Variants in MYOM1 observed in about 807,000 individuals in gnomAD.
MYOM1 encodes myomesin-1.
MYOM1 carries 164 observed loss-of-function variants against 205.3 expected under a neutral mutation model. That is an observed-to-expected ratio of 0.80 (90% CI 0.70 to 0.91). The LOEUF is 0.91. Among genes scored for constraint, MYOM1 ranks in the 40% least tolerant of loss-of-function variants. The pLI is 0.00. For missense variants in MYOM1, 2,011 were observed against 2,127.3 expected, an observed-to-expected ratio of 0.95 and a Z score of 1.08; for synonymous variants, 772 against 789.4, an observed-to-expected ratio of 0.98 and a Z score of 0.37.
At chr18:3,185,370 C>T (rs1269945902) in intron 5 of MYOM1, among the ~76,000 whole-genome samples, 1 of 152,128 alleles carries the variant, frequency 6.6e-6, no homozygotes, top group African/African-American at 2.4e-5. Context: ...AGTGGGAAAA[C>T]ACAGATAGGA....
intron 25 of MYOM1, among the ~76,000 whole-genome samples, chr18:3,098,120 G>A (rs2079328747): frequency 6.6e-6 from 1 of 152,202 alleles, no homozygotes; most frequent in Non-Finnish European, 1.5e-5. Flanking sequence ...AGAGTAGAAA[G>A]TACAACCATC....
intron 22 of MYOM1, 36 bp downstream of exon 22, chr18:3,112,262 G>T: frequency 6.4e-7 from 1 of 1,571,456 alleles, no homozygotes; most frequent in Non-Finnish European, 8.8e-7. Flanking sequence ...ATCTTACACA[G>T]ATAGGATTAG....
the MYOM1 span, chr18:3,247,280 A>T: frequency 6.6e-6 from 1 of 152,262 alleles, no homozygotes; most frequent in Non-Finnish European, 1.5e-5. Context: ...CTGCACACAG[A>T]GCTAGCATCA....
intron 10 of MYOM1, among the ~76,000 whole-genome samples, chr18:3,160,135 CCTT>C (rs1223453644): frequency 1.3e-5 from 2 of 149,960 alleles, no homozygotes; most frequent in Non-Finnish European, 3.0e-5. Context: ...TCCTCCTCCT[CCTT>C]CCTTTCCCTT....
At chr18:3,098,165 G>C (rs1567904313) in intron 25 of MYOM1, among the ~76,000 whole-genome samples, 1 of 152,182 alleles carries the variant, frequency 6.6e-6, no homozygotes, top group Non-Finnish European at 1.5e-5. Flanking sequence ...TTGGGCAGCA[G>C]GTTCAGGGAT....
At chr18:3,211,249 A>T (rs888353634) in intron 2 of MYOM1, among the ~76,000 whole-genome samples, 2 of 152,234 alleles carry the variant, frequency 1.3e-5, no homozygotes, top group Non-Finnish European at 2.9e-5. Context: ...TTCTGTAAAC[A>T]TCTGCCTTAT....
chr18:3,197,498 A>G (rs2081003816), intron 2 of MYOM1, among the ~76,000 whole-genome samples: 1 of 152,228 alleles, frequency 6.6e-6, no homozygotes, highest in Admixed American at 6.5e-5. Flanking sequence ...CTATCCATAT[A>G]CTACTGTATA....
At chr18:3,106,918 T>C (rs1183653144) in intron 22 of MYOM1, among the ~76,000 whole-genome samples, 2 of 152,196 alleles carry the variant, frequency 1.3e-5, no homozygotes, top group African/African-American at 4.8e-5. Context: ...GTTTCCCTTA[T>C]CTGTGAAGCT....
chr18:3,151,448 T>G (rs960497974), intron 12 of MYOM1, among the ~76,000 whole-genome samples: 1 of 142,238 alleles, frequency 7.0e-6, no homozygotes, highest in Non-Finnish European at 1.5e-5. Context: ...TAAAATAAAA[T>G]ATAAAATAAT....
intron 9 of MYOM1, 132 bp from the exon 10 acceptor site, chr18:3,164,571 C>T: frequency 1.2e-6 from 1 of 859,400 alleles, no homozygotes; most frequent in Non-Finnish European, 1.7e-6. Flanking sequence ...GTCTCTAGGA[C>T]TTTGAGCCAT....
the MYOM1 span, among the ~76,000 whole-genome samples, chr18:3,237,650 T>A: frequency 7.2e-6 from 1 of 139,226 alleles, no homozygotes; most frequent in Non-Finnish European, 1.6e-5. Context: ...TGTTACAACA[T>A]CGGTGAACCT....
intron 2 of MYOM1, among the ~76,000 whole-genome samples, chr18:3,195,152 T>C (rs372983466): frequency 6.6e-6 from 1 of 152,174 alleles, no homozygotes; most frequent in Admixed American, 6.5e-5. Context: ...AATGGATATA[T>C]GACGATGCGA....
intron 2 of MYOM1, among the ~76,000 whole-genome samples, chr18:3,196,958 G>A (rs2080996996): frequency 6.6e-6 from 1 of 152,172 alleles, no homozygotes; most frequent in South Asian, 2.1e-4. Context: ...GCTGAAAGAG[G>A]ACTCGGGGAT....
At chr18:3,144,048 T>C (rs942154698) in intron 13 of MYOM1, among the ~76,000 whole-genome samples, 1 of 149,098 alleles carries the variant, frequency 6.7e-6, no homozygotes, top group Non-Finnish European at 1.5e-5. Context: ...CTACTAAAAA[T>C]ACAAAAAATT....
chr18:3,187,663 C>A, intron 4 of MYOM1, 26 bp from the exon 5 acceptor site: 1 of 1,551,778 alleles, frequency 6.4e-7, no homozygotes, highest in South Asian at 1.2e-5. Context: ...TGCAAACAAA[C>A]ATATTACCAA....
chr18:3,216,217 A>G (rs1420456335), intron 1 of MYOM1, among the ~76,000 whole-genome samples: 1 of 152,222 alleles, frequency 6.6e-6, no homozygotes, highest in Non-Finnish European at 1.5e-5. Context: ...CAGTGAGCCG[A>G]GGTTGCGCCA....
chr18:3,101,838 T>C (rs554935043), intron 23 of MYOM1, among the ~76,000 whole-genome samples: 1 of 152,112 alleles, frequency 6.6e-6, no homozygotes, highest in Non-Finnish European at 1.5e-5. Flanking sequence ...GTAAAAAGTA[T>C]TTCATAAGAG....
chr18:3,067,996 C>T (rs895741641), intron 37 of MYOM1, among the ~76,000 whole-genome samples: 4 of 152,098 alleles, frequency 2.6e-5, no homozygotes, highest in African/African-American at 4.8e-5. Context: ...AGCAGAATCA[C>T]GGCAGCTGCT....
In MYOM1 at chr18:3,174,415, G is replaced by A. The variant is rs142500324; in HGVS notation, c.1023-207C>T. 8.9e-4 allele frequency among the ~76,000 whole-genome samples: 135 copies of A among 152,218 alleles called. 1 individual carries two copies. The East Asian group carries it at 0.025, about 29-fold the overall frequency. ...TCCAAGTGATCTACTGCAGTTTCAT[G>A]CCAGCAGCATAGACTGGGGAGAGAA... On this transcript the variant is annotated intron_variant, in intron 6 of 37. Coordinates refer to ENST00000356443, the MANE Select transcript of MYOM1 (RefSeq NM_003803.4).
Sources: allele counts gnomAD v4.1 joint callset (sites outside exome capture counted in the v4.1 genomes callset), GRCh38; gene constraint gnomAD v4.1.1; transcripts MANE v1.5; gene names NCBI Gene and HGNC (gene_info 2026-07-23, HGNC 2026-07-21).